Variants in MYH9 observed in about 807,000 individuals in gnomAD.
The protein encoded by MYH9 is myosin heavy chain 9.
Under a neutral mutation model 241.9 loss-of-function variants are expected in MYH9, and 29 were observed. That is an observed-to-expected ratio of 0.12 (90% CI 0.09 to 0.16). The LOEUF (loss-of-function observed/expected upper bound fraction) is 0.16. MYH9 is among the 10% of genes least tolerant of loss of function. MYH9 has a pLI of 1.00. For synonymous variants in MYH9, 1,047 were observed against 1,062.6 expected (o/e 0.99, Z 0.29); for missense variants, 1,803 against 2,595.5 (o/e 0.69, Z 6.63).
intron 13 of MYH9, among the ~76,000 whole-genome samples, 188 bp from the exon 14 acceptor site, chr22:36,312,410 G>A (rs1007039950): frequency 5.9e-5 from 9 of 152,178 alleles, no homozygotes; most frequent in South Asian, 2.1e-4. Context: ...CCCAGGCTGC[G>A]GCTGACACCT....
chr22:36,289,235 C>T lies in MYH9; in HGVS notation c.4407G>A (p.Ala1469=), dbSNP rs56258227. 12 of 1,612,858 alleles carry T rather than the reference C, an allele frequency of 7.4e-6. No homozygotes were observed. Among genetic ancestry groups the T allele is most frequent in the South Asian group, 2.2e-5 (2 of 91,084 alleles). ...CCTTGGTCTCCTTCTCTCGGGCCTC[C>T]GCCTCAGCCCGGTCGCGCTCCTCTG... ...KYAEERDRAE[A]EAREKETKAL... is the part of the protein sequence containing the mutation. The change falls in exon 32 of 41, where the codon GCG becomes GCA. Residue 1469 remains alanine, a synonymous_variant. Coordinates refer to ENST00000216181, the MANE Select transcript of MYH9 (RefSeq NM_002473.6).
chr22:36,303,948 C>A, intron 19 of MYH9, 47 bp downstream of exon 19: 1 of 1,607,918 alleles, frequency 6.2e-7, no homozygotes, highest in East Asian at 2.2e-5. Flanking sequence ...AACAGAAGGG[C>A]GTGGCAAGGC....
chr22:36,291,683 TAAAA>T (rs66686435), intron 31 of MYH9, among the ~76,000 whole-genome samples: 21 of 86,902 alleles, frequency 2.4e-4, no homozygotes, highest in African/African-American at 7.7e-4. Context: ...ATAAAAAAAT[TAAAA>T]AAAAAAAAAA....
chr22:36,378,409 G>A (rs1357113077), intron 1 of MYH9, among the ~76,000 whole-genome samples: 1 of 152,138 alleles, frequency 6.6e-6, no homozygotes, highest in African/African-American at 2.4e-5. Flanking sequence ...AAGGCGGGGG[G>A]TCTGCTCCTA....
At chr22:36,296,347 G>C (rs532092135) in intron 25 of MYH9, among the ~76,000 whole-genome samples, 6 of 152,218 alleles carry the variant, frequency 3.9e-5, no homozygotes, top group African/African-American at 1.4e-4. Flanking sequence ...TGATTCTCCT[G>C]CCTCAGCCTC....
rs182217413 is a variant in MYH9, at chr22:36,298,082, G to A, written c.3100+837C>T. On this transcript the variant is annotated intron_variant, in intron 24 of 40. Coordinates refer to ENST00000216181, the MANE Select transcript of MYH9 (RefSeq NM_002473.6). The stretch of plus-strand genomic sequence containing the variant: ...TGAGGGAAGAGATCTCTCTGTGTCC[G>A]GACCTCTCTTCTGCTGGACCTGACT... 1.4e-3 allele frequency among the ~76,000 whole-genome samples: 212 copies of A among 152,208 alleles called. 2 individuals are homozygous for A. Among genetic ancestry groups the A allele is most frequent in the Non-Finnish European group, 4.4e-4 (30 of 68,004 alleles).
intron 3 of MYH9, among the ~76,000 whole-genome samples, chr22:36,335,442 C>A (rs772910405): frequency 6.6e-6 from 1 of 152,220 alleles, no homozygotes; most frequent in Admixed American, 6.5e-5. Flanking sequence ...TGGGTGCATT[C>A]CTGCTTCAGC....
rs143947828 is a variant in MYH9 at position 36,288,306 on chromosome 22, G to T, written c.4878C>A (p.Ile1626=). ...EMDLKDLEAH[I]DSANKNRDEA... ...CGTCCCGGTTCTTGTTGGCCGAGTC[G>T]ATGTGCGCCTCCAGGTCCTTCAGGT... The change falls in exon 34 of 41, where the codon ATC becomes ATA. Residue 1626 remains isoleucine (I), a synonymous_variant. Coordinates refer to ENST00000216181, the MANE Select transcript of MYH9 (RefSeq NM_002473.6). This position sits in a 1 kb window ranked among gnomAD's most constrained non-coding sequence, Gnocchi z 4.8. 3 of 1,614,114 alleles carry T rather than the reference G, an allele frequency of 1.9e-6. No individual in the cohort carries two copies. Among genetic ancestry groups the T allele is most frequent in the Non-Finnish European group, 2.5e-6 (3 of 1,180,038 alleles).
At chr22:36,324,511 C>A (rs1203360340) in intron 5 of MYH9, among the ~76,000 whole-genome samples, 1 of 152,246 alleles carries the variant, frequency 6.6e-6, no homozygotes, top group Non-Finnish European at 1.5e-5. Context: ...CCAAGCTCTG[C>A]TTTGCCAACC....
chr22:36,321,536 C>A (rs1187230553), intron 7 of MYH9, among the ~76,000 whole-genome samples: 1 of 152,184 alleles, frequency 6.6e-6, no homozygotes, highest in Admixed American at 6.5e-5. Context: ...CAGCTCCATG[C>A]CATTCAAAGC....
intron 25 of MYH9, among the ~76,000 whole-genome samples, chr22:36,296,155 G>A (rs1387693632): frequency 3.3e-5 from 5 of 152,124 alleles, no homozygotes; most frequent in African/African-American, 4.8e-5. Flanking sequence ...CAGGGGAGGC[G>A]GTGCGTGAGT....
chr22:36,289,394 G>T, intron 31 of MYH9, 97 bp from the exon 32 acceptor site: 2 of 1,183,318 alleles, frequency 1.7e-6, no homozygotes, highest in Non-Finnish European at 2.4e-6. Context: ...GAGCCCAGAG[G>T]CCACGGTGGA....
At chr22:36,313,996 C>T in intron 13 of MYH9, 149 bp downstream of exon 13, 1 of 1,064,570 alleles carries the variant, frequency 9.4e-7, no homozygotes. Context: ...CACTGGATCT[C>T]AGCCTTGGGG....
At chr22:36,316,788 G>GC in intron 11 of MYH9, 119 bp from the exon 12 acceptor site, 1 of 1,180,036 alleles carries the variant, frequency 8.5e-7, no homozygotes, top group South Asian at 1.4e-5. Context: ...CCCTAAGTAT[G>GC]TGGGGGAAAA....
At chr22:36,335,743 G>A (rs2017488113) in intron 3 of MYH9, among the ~76,000 whole-genome samples, 1 of 152,216 alleles carries the variant, frequency 6.6e-6, no homozygotes, top group African/African-American at 2.4e-5. Flanking sequence ...AAAATGAGGG[G>A]CACCAATGCC....
intron 12 of MYH9, 123 bp from the exon 13 acceptor site, chr22:36,314,441 C>T (rs2017117451): frequency 1.6e-6 from 2 of 1,222,668 alleles, no homozygotes; most frequent in Non-Finnish European, 2.3e-6. Flanking sequence ...CTCCATGCCG[C>T]TGCCTTTAGA....
chr22:36,331,616 A>G (rs1396621867), intron 3 of MYH9, among the ~76,000 whole-genome samples: 1 of 152,180 alleles, frequency 6.6e-6, no homozygotes, highest in African/African-American at 2.4e-5. Context: ...TGTCCATAAA[A>G]GGCCACGAGG....
At chr22:36,370,546 G>A (rs1603484497) in intron 1 of MYH9, among the ~76,000 whole-genome samples, 1 of 152,238 alleles carries the variant, frequency 6.6e-6, no homozygotes, top group Admixed American at 6.5e-5. Context: ...ATTTGGCAAC[G>A]CACGCTCGAA....
At chr22:36,290,796 G>A (rs554397220) in intron 31 of MYH9, among the ~76,000 whole-genome samples, 46 of 151,110 alleles carry the variant, frequency 3.0e-4, no homozygotes, top group African/African-American at 8.8e-4. Context: ...CCTCTGCCCC[G>A]CCGCCCCGTC....
Sources: gnomAD v4.1 joint callset for allele counts (sites outside exome capture counted in the v4.1 genomes callset) on GRCh38, gnomAD v4.1.1 for gene constraint, Gnocchi (gnomAD v3.1) non-coding constraint, MANE v1.5 for transcripts, NCBI Gene and HGNC (gene_info 2026-07-23, HGNC 2026-07-21) for gene names.